GRIA3: variants seen among roughly 807,000 people sequenced by gnomAD.
GRIA3 encodes the protein glutamate ionotropic receptor AMPA type subunit 3.
GRIA3 carries 3 observed loss-of-function variants against 63.0 expected under a neutral mutation model. The ratio of observed to expected loss-of-function variants is 0.05; its 90% CI spans 0.02 to 0.12. The LOEUF is 0.12. Ranked by LOEUF, GRIA3 falls within the 10% of genes least tolerant of loss-of-function variation. The pLI is 1.00. For missense variants in GRIA3, 347 were observed against 700.9 expected, an observed-to-expected ratio of 0.50 and a Z score of 5.70; for synonymous variants, 274 against 257.9, an observed-to-expected ratio of 1.06 and a Z score of -0.60.
At chrX:123,263,387 G>A (rs2044470903) in intron 3 of GRIA3, among the ~76,000 whole-genome samples, 1 of 112,343 alleles carries the variant, frequency 8.9e-6, no homozygotes, top group Non-Finnish European at 1.9e-5. Context: ...GGTTGCCAGT[G>A]TCGGCTGCTG....
intron 12 of GRIA3, among the ~76,000 whole-genome samples, chrX:123,429,283 G>A (rs1269966381): frequency 4.5e-5 from 5 of 112,166 alleles, no homozygotes; most frequent in African/African-American, 1.3e-4. Context: ...CAGTAAACCA[G>A]GAAGAGTACA....
At chrX:123,461,739 G>A (rs2147428317) in intron 12 of GRIA3, among the ~76,000 whole-genome samples, 1 of 111,443 alleles carries the variant, frequency 9.0e-6, no homozygotes, top group South Asian at 3.8e-4. Context: ...GAAGCAGGGA[G>A]ACTAGTTAGG....
At chrX:123,207,287 A>G (rs1274213509) in intron 2 of GRIA3, among the ~76,000 whole-genome samples, 2 of 112,213 alleles carry the variant, frequency 1.8e-5, no homozygotes, top group East Asian at 5.6e-4. Flanking sequence ...AGTATTGAGA[A>G]TAATGAGTTA....
chrX:123,445,723 A>G (rs1160531081), intron 12 of GRIA3, among the ~76,000 whole-genome samples: 2 of 112,432 alleles, frequency 1.8e-5, no homozygotes, highest in South Asian at 3.7e-4. Context: ...AATTACTCAC[A>G]TTGGAAACAT....
chrX:123,185,614 C>T (rs939963728), intron 1 of GRIA3, among the ~76,000 whole-genome samples: 1 of 110,571 alleles, frequency 9.0e-6, no homozygotes, highest in East Asian at 2.9e-4. Flanking sequence ...TCTCTTCTCC[C>T]TTCTCTCTAG....
At chrX:123,253,172 T>C (rs1227186622) in intron 2 of GRIA3, 131 bp from the exon 3 acceptor site, 13 of 686,353 alleles carry the variant, frequency 1.9e-5, no homozygotes, top group South Asian at 6.9e-5. Context: ...GTTGGGTAAC[T>C]GGGTTTTCAG....
intron 3 of GRIA3, among the ~76,000 whole-genome samples, chrX:123,300,259 G>A (rs1041206363): frequency 1.0e-4 from 11 of 108,911 alleles, no homozygotes; most frequent in Admixed American, 2.0e-4. Flanking sequence ...TTAGGGAGGA[G>A]ACCCTCCTCC....
intron 2 of GRIA3, among the ~76,000 whole-genome samples, chrX:123,210,677 T>A (rs769717597): frequency 1.8e-5 from 2 of 112,010 alleles, no homozygotes; most frequent in East Asian, 2.8e-4. Context: ...GTTTTTAATG[T>A]TGAAGGTTTT....
chrX:123,421,780 A>G (rs2045565608), intron 11 of GRIA3, among the ~76,000 whole-genome samples: 1 of 111,630 alleles, frequency 9.0e-6, no homozygotes, highest in African/African-American at 3.3e-5. Context: ...TCCTCAAAAC[A>G]CCACTGCAGC....
chrX:123,262,057 C>T (rs1318350106), intron 3 of GRIA3, among the ~76,000 whole-genome samples: 1 of 111,778 alleles, frequency 8.9e-6, no homozygotes, highest in Non-Finnish European at 1.9e-5. Context: ...GGGCCTGAAA[C>T]ATCCTTGAAA....
chrX:123,345,297 T>G (rs921725670), intron 4 of GRIA3, among the ~76,000 whole-genome samples: 1 of 110,842 alleles, frequency 9.0e-6, no homozygotes. Context: ...TCTTACTGAC[T>G]GCCAAATTAT....
intron 12 of GRIA3, among the ~76,000 whole-genome samples, chrX:123,453,404 G>C (rs1414216146): frequency 1.8e-5 from 2 of 109,960 alleles, no homozygotes; most frequent in Non-Finnish European, 3.8e-5. Flanking sequence ...GGTGGGGGGA[G>C]AGGGGAGGGA....
intron 3 of GRIA3, among the ~76,000 whole-genome samples, chrX:123,302,035 T>G (rs2044726421): frequency 2.7e-5 from 3 of 112,178 alleles, no homozygotes; most frequent in African/African-American, 9.7e-5. Context: ...GGATACAGGC[T>G]GCACAAGGCC....
intron 3 of GRIA3, among the ~76,000 whole-genome samples, chrX:123,273,110 T>C (rs2044533446): frequency 9.0e-6 from 1 of 111,674 alleles, no homozygotes; most frequent in African/African-American, 3.3e-5. Context: ...TATTTGGTAG[T>C]CGGGGGAGGA....
At chrX:123,273,055 C>T (rs1213651833) in intron 3 of GRIA3, among the ~76,000 whole-genome samples, 1 of 111,718 alleles carries the variant, frequency 9.0e-6, no homozygotes, top group South Asian at 3.7e-4. Context: ...GCTCTGAGCT[C>T]ATGTCATAGG....
chrX:123,204,149 A>G (rs1038640481), intron 2 of GRIA3, among the ~76,000 whole-genome samples: 3 of 112,020 alleles, frequency 2.7e-5, no homozygotes, highest in African/African-American at 6.5e-5. Context: ...CGTATTTGCA[A>G]TTTATCAGGG....
chrX:123,367,323 A>G (rs1255151114), intron 5 of GRIA3, among the ~76,000 whole-genome samples: 1 of 112,429 alleles, frequency 8.9e-6, no homozygotes, highest in East Asian at 2.8e-4. Flanking sequence ...GATGAAATTC[A>G]GTGAGGAAAT....
intron 3 of GRIA3, among the ~76,000 whole-genome samples, chrX:123,266,638 A>G (rs1243371325): frequency 9.0e-6 from 1 of 111,022 alleles, no homozygotes; most frequent in Non-Finnish European, 1.9e-5. Flanking sequence ...AGATTTCAAC[A>G]ACATTCCTGT....
At chrX:123,483,118 T>A in intron 15 of GRIA3, 72 bp downstream of exon 15, 2 of 937,234 alleles carry the variant, frequency 2.1e-6, no homozygotes, top group Non-Finnish European at 3.0e-6. Flanking sequence ...CTTCTTTTTT[T>A]TTTTTTTTAG....
Sources: allele counts gnomAD v4.1 joint callset (sites outside exome capture counted in the v4.1 genomes callset), GRCh38; gene constraint gnomAD v4.1.1; transcripts MANE v1.5; gene names NCBI Gene and HGNC (gene_info 2026-07-23, HGNC 2026-07-21).